PHKB: variants seen among roughly 807,000 people sequenced by gnomAD.
The protein encoded by PHKB is phosphorylase kinase regulatory subunit beta.
Under a neutral mutation model 152.1 loss-of-function variants are expected in PHKB, and 122 were observed. That is an observed-to-expected ratio of 0.80 (90% CI 0.69 to 0.93). The LOEUF is 0.93. PHKB is among the 40% of genes least tolerant of loss of function. The probability of loss-of-function intolerance (pLI) is 0.00; values close to 1 mark genes in which losing one functional copy is unlikely to be tolerated. For missense variants in PHKB, 1,304 were observed against 1,328.4 expected, an observed-to-expected ratio of 0.98 and a Z score of 0.29; for synonymous variants, 436 against 464.9, an observed-to-expected ratio of 0.94 and a Z score of 0.80.
At chr16:47,484,226 T>C (rs1970012991) in intron 1 of PHKB, among the ~76,000 whole-genome samples, 1 of 152,220 alleles carries the variant, frequency 6.6e-6, no homozygotes, top group South Asian at 2.1e-4. Context: ...AAGAACTTAA[T>C]ACCTTTTTAT....
chr16:47,627,839 G>A (rs527638058), intron 14 of PHKB, among the ~76,000 whole-genome samples: 23 of 152,318 alleles, frequency 1.5e-4, no homozygotes, highest in African/African-American at 5.1e-4. Flanking sequence ...GTCAGGACAT[G>A]GCTGTGTTCA....
Position 47,660,512 on chromosome 16 carries a change from A to G in PHKB, c.1978A>G (p.Ile660Val), listed in dbSNP as rs1284786647. The change falls in exon 21 of 31, where the codon ATA (isoleucine) becomes GTA (valine). Residue 660 changes from isoleucine (I) to valine (V), a missense_variant. By Grantham distance (29) the Ile-to-Val change is conservative. Transcript: ENST00000323584. ...KVHVDRLQTL[I>V]SGAVVEQLDF... ...TTTTTCGATCACGTTTCAGACACTA[A>G]TATCTGGAGCTGTGGTAGAACAACT... 4.3e-6 allele frequency: 7 copies of G among 1,613,010 alleles called. No homozygotes were observed. The highest frequency in any genetic ancestry group is 5.1e-6 in the Non-Finnish European group (6 of 1,179,014).
At chr16:47,625,348 T>C (rs1972690768) in intron 14 of PHKB, among the ~76,000 whole-genome samples, 1 of 152,254 alleles carries the variant, frequency 6.6e-6, no homozygotes, top group South Asian at 2.1e-4. Context: ...TTTTCCTTGT[T>C]TGAAACCCTT....
At chr16:47,502,742 A>G (rs1046028179) in intron 3 of PHKB, among the ~76,000 whole-genome samples, 1 of 152,224 alleles carries the variant, frequency 6.6e-6, no homozygotes. Context: ...AATATTGTAT[A>G]CTATTTTTAA....
At chr16:47,633,377 G>GGT (rs763192152) in intron 14 of PHKB, among the ~76,000 whole-genome samples, 1 of 152,098 alleles carries the variant, frequency 6.6e-6, no homozygotes, top group African/African-American at 2.4e-5. Context: ...TTTAGTGCAA[G>GGT]GTGGTTCCTA....
chr16:47,461,542 T>G (rs1332929272), intron 1 of PHKB, 116 bp downstream of exon 1: 1 of 1,058,674 alleles, frequency 9.4e-7, no homozygotes, highest in Non-Finnish European at 1.4e-6. Context: ...CCCGAGTTCC[T>G]CCTTAGAAAG....
intron 13 of PHKB, among the ~76,000 whole-genome samples, chr16:47,597,328 G>A (rs1017564523): frequency 3.9e-5 from 6 of 152,086 alleles, no homozygotes; most frequent in East Asian, 1.9e-4. Flanking sequence ...AATTTGTGCC[G>A]TAAGAGTAAT....
At chr16:47,671,456 T>C (rs1285493827) in intron 26 of PHKB, among the ~76,000 whole-genome samples, 1 of 152,198 alleles carries the variant, frequency 6.6e-6, no homozygotes, top group Non-Finnish European at 1.5e-5. Flanking sequence ...TTCTTTCTTT[T>C]ACATTTTGAC....
chr16:47,598,574 G>A, intron 13 of PHKB: 1 of 805,786 alleles, frequency 1.2e-6, no homozygotes, highest in Non-Finnish European at 2.0e-6. Flanking sequence ...TAAAATGTCA[G>A]TAATATGAAC....
intron 13 of PHKB, chr16:47,598,782 G>T (rs1972168478): frequency 1.9e-6 from 3 of 1,581,514 alleles, no homozygotes; most frequent in Non-Finnish European, 2.6e-6. Context: ...CTAATTGACT[G>T]CCTTGAAGTT....
At chr16:47,468,457 G>A (rs1289060932) in intron 1 of PHKB, among the ~76,000 whole-genome samples, 2 of 152,228 alleles carry the variant, frequency 1.3e-5, no homozygotes, top group African/African-American at 4.8e-5. Context: ...TTCGAGATCA[G>A]CCTGGCCAAC....
At chr16:47,631,036 C>T (rs1972817122) in intron 14 of PHKB, among the ~76,000 whole-genome samples, 1 of 152,114 alleles carries the variant, frequency 6.6e-6, no homozygotes, top group Admixed American at 6.5e-5. Flanking sequence ...ACTGTCAGCT[C>T]TCCTGGGTCT....
At chr16:47,660,320 GTTTT>G (rs199615693) in intron 20 of PHKB, among the ~76,000 whole-genome samples, 182 bp from the exon 21 acceptor site, 2 of 151,680 alleles carry the variant, frequency 1.3e-5, no homozygotes, top group African/African-American at 4.8e-5. Context: ...CTATTTTAGG[GTTTT>G]TTTTGTGTGT....
rs147168814 is a variant in PHKB at position 47,647,113 on chromosome 16, G to T, written c.1609-1420G>T. Among the ~76,000 whole-genome samples, 542 of 151,654 alleles carry T rather than the reference G, an allele frequency of 3.6e-3. 2 individuals are homozygous for T. The highest frequency in any genetic ancestry group is 0.012 in the African/African-American group (504 of 41,376). ...CCTCAGTTTTTATTTATTTATTTAT[G>T]TATTTATTTATTTATTTATTTATTT... On this transcript the variant is annotated intron_variant, in intron 16 of 30. Coordinates refer to ENST00000323584, the MANE Select transcript of PHKB (RefSeq NM_000293.3).
chr16:47,518,821 T>G (rs1970639587), intron 6 of PHKB, among the ~76,000 whole-genome samples: 1 of 152,194 alleles, frequency 6.6e-6, no homozygotes, highest in Non-Finnish European at 1.5e-5. Context: ...TAGAGATAAC[T>G]TATTTACATC....
At position 47,696,466 on chromosome 16, in the gene PHKB, A is replaced by C. The variant is rs1238905095; in HGVS notation, c.2981A>C (p.Gln994Pro). ...ACGTTGGGAAATATTGACCAGCCAC[A>C]GTACAGACAGATCGTTGTAGAGGTG... ...EDTLGNIDQP[Q>P]YRQIVVELLM... Residue 994 changes from glutamine (Q) to proline (P), a missense_variant, in exon 29 of 31, where the codon CAG (glutamine) becomes CCG (proline). Gln to Pro is a moderately conservative substitution (Grantham distance 76). Transcript: ENST00000323584. 1 of 1,592,122 alleles carries C rather than the reference A, an allele frequency of 6.3e-7. No individual in the cohort carries two copies. Among genetic ancestry groups the C allele is most frequent in the Non-Finnish European group, 8.6e-7 (1 of 1,159,892 alleles).
At chr16:47,539,944 G>A (rs1024490468) in intron 6 of PHKB, among the ~76,000 whole-genome samples, 4 of 152,094 alleles carry the variant, frequency 2.6e-5, no homozygotes, top group East Asian at 3.9e-4. Flanking sequence ...GAATAACAGC[G>A]ATTTTTAGGG....
chr16:47,544,175 A>T (rs1971114709), intron 6 of PHKB, among the ~76,000 whole-genome samples: 1 of 151,924 alleles, frequency 6.6e-6, no homozygotes, highest in South Asian at 2.1e-4. Context: ...TTTAATTGTG[A>T]TGTTAGGGTG....
intron 14 of PHKB, among the ~76,000 whole-genome samples, chr16:47,616,008 C>G (rs1290167024): frequency 6.6e-6 from 1 of 152,172 alleles, no homozygotes; most frequent in Admixed American, 6.5e-5. Context: ...TGGAACTATT[C>G]AGATACTGCG....
Sources: gnomAD v4.1 joint callset for allele counts (sites outside exome capture counted in the v4.1 genomes callset) on GRCh38, gnomAD v4.1.1 for gene constraint, MANE v1.5 for transcripts, NCBI Gene and HGNC (gene_info 2026-07-23, HGNC 2026-07-21) for gene names.